SH3RF3: variants seen among roughly 807,000 people sequenced by gnomAD.
The protein encoded by SH3RF3 is SH3 domain containing ring finger 3.
Under a neutral mutation model 66.3 loss-of-function variants are expected in SH3RF3, and 29 were observed. That is an observed-to-expected ratio of 0.44 (90% confidence interval 0.33 to 0.60). SH3RF3 has a LOEUF of 0.60. Ranked by LOEUF, SH3RF3 falls within the 20% of genes least tolerant of loss-of-function variation. The pLI, the probability that SH3RF3 is intolerant of heterozygous loss-of-function variation, is 0.04. For synonymous variants in SH3RF3, 583 were observed against 532.0 expected, an observed-to-expected ratio of 1.10 and a Z score of -1.32; for missense variants, 1,194 against 1,190.9, an observed-to-expected ratio of 1.00 and a Z score of -0.04.
intron 1 of SH3RF3, among the ~76,000 whole-genome samples, chr2:109,202,885 G>A (rs115646073): frequency 3.1e-4 from 47 of 152,350 alleles, no homozygotes; most frequent in African/African-American, 1.1e-3. Context: ...TGGCTGATTA[G>A]CACAGTTTTG....
At chr2:109,219,287 T>C (rs997267434) in intron 1 of SH3RF3, among the ~76,000 whole-genome samples, 177 of 137,714 alleles carry the variant, frequency 1.3e-3, no homozygotes, top group African/African-American at 4.7e-3. Context: ...TCAGTATTAT[T>C]TCCAAAACAT....
chr2:109,157,690 T>C (rs894096759), intron 1 of SH3RF3, among the ~76,000 whole-genome samples: 10 of 152,184 alleles, frequency 6.6e-5, no homozygotes, highest in African/African-American at 2.4e-4. Flanking sequence ...GAGCTGCCTG[T>C]TTTATCACCT....
chr2:109,327,399 A>G (rs973198741), intron 1 of SH3RF3, among the ~76,000 whole-genome samples: 1 of 152,188 alleles, frequency 6.6e-6, no homozygotes, highest in Non-Finnish European at 1.5e-5. Flanking sequence ...TGATTAAACT[A>G]TTCTTTTGTA....
At chr2:109,279,236 C>G (rs951211514) in intron 1 of SH3RF3, among the ~76,000 whole-genome samples, 1 of 152,214 alleles carries the variant, frequency 6.6e-6, no homozygotes, top group Non-Finnish European at 1.5e-5. Flanking sequence ...GAGAGCCCTG[C>G]TGACTTCTGA....
At chr2:109,180,229 A>T (rs1678044623) in intron 1 of SH3RF3, among the ~76,000 whole-genome samples, 1 of 151,198 alleles carries the variant, frequency 6.6e-6, no homozygotes, top group Non-Finnish European at 1.5e-5. Flanking sequence ...GGTATTCCCC[A>T]CTAGTCAGGG....
chr2:109,501,437 G>A (rs1186777994), intron 9 of SH3RF3, 66 bp from the exon 10 acceptor site: 7 of 688,744 alleles, frequency 1.0e-5, no homozygotes, highest in Non-Finnish European at 1.9e-5. Flanking sequence ...GAGGGAAGAA[G>A]AGAAAGCACG....
At chr2:109,380,670 C>A (rs1054126743) in intron 3 of SH3RF3, among the ~76,000 whole-genome samples, 1 of 152,162 alleles carries the variant, frequency 6.6e-6, no homozygotes, top group African/African-American at 2.4e-5. Context: ...GGGCCACAGC[C>A]CACCTTAAAT....
At chr2:109,236,646 A>G (rs889664370) in intron 1 of SH3RF3, among the ~76,000 whole-genome samples, 3 of 152,162 alleles carry the variant, frequency 2.0e-5, no homozygotes, top group Non-Finnish European at 4.4e-5. Context: ...ATGCTGCCCA[A>G]ATGGGGAGAT....
chr2:109,369,076 G>A lies in SH3RF3; in HGVS notation c.850-2510G>A, dbSNP rs976622887. Among the ~76,000 whole-genome samples, 2 of 152,154 alleles carry A rather than the reference G, an allele frequency of 1.3e-5. 1 individual carries two copies. Among genetic ancestry groups the A allele is most frequent in the Admixed American group, 1.3e-4 (2 of 15,276 alleles). On this transcript the variant is annotated intron_variant, in intron 2 of 9. Transcript: ENST00000309415. ...CCTCCCACACTTGGCCGGGCATGGT[G>A]GCTCACGCCTATAATCCCAGCACTT...
intron 1 of SH3RF3, among the ~76,000 whole-genome samples, chr2:109,171,596 G>T (rs7602711): frequency 0.26 from 39,789 of 152,152 alleles, 5,541 homozygotes; most frequent in East Asian, 0.42. Context: ...CCTTCTCGCC[G>T]CCCCTGGTCT....
chr2:109,420,546 C>T (rs564544920), intron 5 of SH3RF3, among the ~76,000 whole-genome samples: 46 of 152,194 alleles, frequency 3.0e-4, no homozygotes, highest in Non-Finnish European at 6.2e-4. Flanking sequence ...CCCAGGTTCA[C>T]GCAATTCTCC....
chr2:109,412,391 T>G (rs13028045), intron 4 of SH3RF3, among the ~76,000 whole-genome samples: 75,906 of 152,134 alleles, frequency 0.5, 19,204 homozygotes, highest in Middle Eastern at 0.57. Flanking sequence ...TGGCTGTGCT[T>G]TGCTTGTGCT....
chr2:109,286,715 A>G (rs1210030921), intron 1 of SH3RF3, among the ~76,000 whole-genome samples: 4 of 152,174 alleles, frequency 2.6e-5, no homozygotes, highest in Admixed American at 1.3e-4. Flanking sequence ...TTGAGCTACC[A>G]GGATTCCCAG....
Position 109,428,164 on chromosome 2 carries a change from G to A in SH3RF3, c.1404-4337G>A, listed in dbSNP as rs187804383. On this transcript the variant is annotated intron_variant, in intron 5 of 9. Coordinates refer to ENST00000309415, the MANE Select transcript of SH3RF3 (RefSeq NM_001099289.3). Reference sequence around the variant, plus strand: ...CCCTAATTCGAGCCAGCGTGGCCCTGGGAGAAAAGTAGAAGTGGGACTTCT... The same window carrying A: ...CCCTAATTCGAGCCAGCGTGGCCCTAGGAGAAAAGTAGAAGTGGGACTTCT... Among the ~76,000 whole-genome samples, 145 of 152,332 alleles carry A rather than the reference G, an allele frequency of 9.5e-4. 2 individuals are homozygous for A. Among genetic ancestry groups the A allele is most frequent in the African/African-American group, 3.3e-3 (138 of 41,570 alleles).
intron 1 of SH3RF3, among the ~76,000 whole-genome samples, chr2:109,335,125 G>A (rs916412004): frequency 3.9e-5 from 6 of 152,178 alleles, no homozygotes; most frequent in Non-Finnish European, 5.9e-5. Context: ...TCGTGTTTTC[G>A]GAGCAGATTC....
At chr2:109,463,332 C>T (rs1678256313) in intron 8 of SH3RF3, among the ~76,000 whole-genome samples, 1 of 152,336 alleles carries the variant, frequency 6.6e-6, no homozygotes, top group Middle Eastern at 3.4e-3. Context: ...ACCACCTGGT[C>T]GGCCTTGTCT....
At chr2:109,373,660 G>C (rs191024284) in intron 3 of SH3RF3, among the ~76,000 whole-genome samples, 1 of 152,252 alleles carries the variant, frequency 6.6e-6, no homozygotes. Context: ...GACTGGAAGA[G>C]GTAAGGAGGT....
chr2:109,244,736 C>T (rs970347902), intron 1 of SH3RF3, among the ~76,000 whole-genome samples: 4 of 152,172 alleles, frequency 2.6e-5, no homozygotes, highest in African/African-American at 9.7e-5. Flanking sequence ...GAGTCAAAGT[C>T]ACTCAGAACC....
chr2:109,310,323 C>T (rs1294261167), intron 1 of SH3RF3, among the ~76,000 whole-genome samples: 1 of 47,064 alleles, frequency 2.1e-5, no homozygotes, highest in African/African-American at 1.7e-4. Context: ...ACCAGAATCT[C>T]TGGGACACAT....
Sources: gnomAD v4.1 joint callset for allele counts (sites outside exome capture counted in the v4.1 genomes callset) on GRCh38, gnomAD v4.1.1 for gene constraint, MANE v1.5 for transcripts, NCBI Gene and HGNC (gene_info 2026-07-23, HGNC 2026-07-21) for gene names.